The following PRICKLE1 variants were observed in gnomAD, a reference collection of about 807,000 sequenced individuals.
PRICKLE1 encodes the protein prickle-like protein 1.
PRICKLE1 carries 14 observed loss-of-function variants against 70.2 expected under a neutral mutation model. The ratio of observed to expected loss-of-function variants is 0.20; its 90% confidence interval spans 0.13 to 0.31. PRICKLE1 has a LOEUF of 0.31. PRICKLE1 is among the 10% of genes least tolerant of loss of function. PRICKLE1 has a pLI of 1.00. For synonymous variants in PRICKLE1, 357 were observed against 379.9 expected, an observed-to-expected ratio of 0.94 and a Z score of 0.70; for missense variants, 821 against 1,026.2, an observed-to-expected ratio of 0.80 and a Z score of 2.73.
rs192633235 is a variant in PRICKLE1 at position 42,499,165 on chromosome 12, T to A, written c.-48-26601A>T. 4.4e-3 allele frequency among the ~76,000 whole-genome samples: 674 copies of A among 151,740 alleles called. 8 individuals are homozygous for A. Among genetic ancestry groups the A allele is most frequent in the African/African-American group, 0.016 (651 of 41,348 alleles). ...GGCATTGTACTAAATCATGTACATTTAAAAAAAAATCCTTATAACAACATA... is the reference window on the plus strand; with the variant it reads ...GGCATTGTACTAAATCATGTACATTAAAAAAAAAATCCTTATAACAACATA... On this transcript the variant is annotated intron_variant, in intron 1 of 7. Transcript: ENST00000345127.
chr12:42,465,608 C>T (rs1440528251), intron 6 of PRICKLE1: 3 of 306,414 alleles, frequency 9.8e-6, no homozygotes, highest in African/African-American at 2.2e-5. Context: ...GGTCTATCTA[C>T]TGCCGCGTTT....
intron 1 of PRICKLE1, among the ~76,000 whole-genome samples, chr12:42,488,186 C>T (rs1939023087): frequency 6.6e-6 from 1 of 152,214 alleles, no homozygotes; most frequent in South Asian, 2.1e-4. Flanking sequence ...CCCCAGGCAC[C>T]TCCCTCTCTA....
At chr12:42,482,232 C>T (rs1487706074) in intron 1 of PRICKLE1, among the ~76,000 whole-genome samples, 1 of 152,244 alleles carries the variant, frequency 6.6e-6, no homozygotes, top group Non-Finnish European at 1.5e-5. Context: ...TGCACAAGTA[C>T]ATTCCATGAC....
At position 42,468,641 on chromosome 12, in the gene PRICKLE1, G is replaced by A. The variant is rs764241108; in HGVS notation, c.573C>T (p.Cys191=). The change falls in exon 5 of 8, where the codon TGC becomes TGT. Residue 191 remains cysteine, a synonymous_variant. Coordinates refer to ENST00000345127, the MANE Select transcript of PRICKLE1 (RefSeq NM_153026.3). ...TTTTTTTTACCTCGTCACATGCTGA[G>A]CACCGTGGTTTGAGCAGTTCTGCAT... ...RHHAELLKPR[C]SACDEIIFAD... is the part of the protein sequence containing the mutation. 1 of 1,613,862 alleles carries A rather than the reference G, an allele frequency of 6.2e-7. No homozygotes were observed.
At chr12:42,564,932 G>A (rs919151633) in intron 1 of PRICKLE1, among the ~76,000 whole-genome samples, 10 of 152,308 alleles carry the variant, frequency 6.6e-5, no homozygotes, top group Non-Finnish European at 1.0e-4. Context: ...ATTTAAATAC[G>A]TCAGGGCAGG....
At chr12:42,532,456 T>G (rs1226455401) in intron 1 of PRICKLE1, among the ~76,000 whole-genome samples, 2 of 152,194 alleles carry the variant, frequency 1.3e-5, no homozygotes, top group African/African-American at 4.8e-5. Flanking sequence ...TAACTTTAAA[T>G]TTTCTAGTAA....
chr12:42,527,892 C>G (rs1939832416), intron 1 of PRICKLE1, among the ~76,000 whole-genome samples: 1 of 136,004 alleles, frequency 7.4e-6, no homozygotes, highest in African/African-American at 2.8e-5. Context: ...GGGCTACCAA[C>G]TGGAGTTTAT....
chr12:42,468,957 T>C, intron 4 of PRICKLE1, 128 bp from the exon 5 acceptor site: 4 of 854,052 alleles, frequency 4.7e-6, no homozygotes, highest in Non-Finnish European at 7.6e-6. Flanking sequence ...TTTTAGTGAT[T>C]AAATAGCTCT....
At chr12:42,518,718 T>A (rs1363246701) in intron 1 of PRICKLE1, among the ~76,000 whole-genome samples, 2 of 152,246 alleles carry the variant, frequency 1.3e-5, no homozygotes, top group African/African-American at 2.4e-5. Flanking sequence ...AACTAAACTG[T>A]GTTCAATATT....
At chr12:42,486,161 A>T (rs1044929798) in intron 1 of PRICKLE1, among the ~76,000 whole-genome samples, 8 of 152,234 alleles carry the variant, frequency 5.3e-5, no homozygotes, top group Admixed American at 5.2e-4. Context: ...CTTTGCTCTA[A>T]GGTCATCTCT....
At chr12:42,483,205 G>A (rs1429371852) in intron 1 of PRICKLE1, 1 of 152,836 alleles carries the variant, frequency 6.5e-6, no homozygotes, top group African/African-American at 2.4e-5. Flanking sequence ...CCTCCACGGA[G>A]CAGCACTCGC....
chr12:42,481,364 C>G (rs1938786713), intron 1 of PRICKLE1, among the ~76,000 whole-genome samples: 1 of 152,202 alleles, frequency 6.6e-6, no homozygotes, highest in African/African-American at 2.4e-5. Context: ...CAATCCCACT[C>G]TAGTTCCTAT....
intron 1 of PRICKLE1, among the ~76,000 whole-genome samples, chr12:42,566,533 T>G (rs1301167038): frequency 3.9e-5 from 6 of 152,162 alleles, no homozygotes; most frequent in African/African-American, 7.2e-5. Context: ...GCTGCTAATG[T>G]TCAATAACTG....
chr12:42,460,151 G>A lies in PRICKLE1; in HGVS notation c.2154C>T (p.Ala718=). 6.2e-7 allele frequency: 1 copy of A among 1,614,014 alleles called. No individual in the cohort carries two copies. Among genetic ancestry groups the A allele is most frequent in the Non-Finnish European group, 8.5e-7 (1 of 1,180,028 alleles). Reference sequence around the variant, plus strand: ...TCTGGATGTATGCTTGGATCTCCCGGGCACTTTTATTCTGTATAAATTTCT... The same window carrying A: ...TCTGGATGTATGCTTGGATCTCCCGAGCACTTTTATTCTGTATAAATTTCT... The part of the protein sequence containing the change: ...NYEKFIQNKS[A]REIQAYIQNA... The change falls in exon 8 of 8, where the codon GCC becomes GCT. Residue 718 remains alanine, a synonymous_variant. Transcript: ENST00000345127.
intron 1 of PRICKLE1, among the ~76,000 whole-genome samples, chr12:42,498,088 G>A (rs1310444391): frequency 3.3e-5 from 5 of 151,322 alleles, no homozygotes; most frequent in Non-Finnish European, 7.4e-5. Flanking sequence ...AGCCTCAAGC[G>A]ATCTCTAGCA....
intron 1 of PRICKLE1, among the ~76,000 whole-genome samples, chr12:42,496,679 T>A (rs1488606418): frequency 6.6e-6 from 1 of 152,240 alleles, no homozygotes; most frequent in Non-Finnish European, 1.5e-5. Flanking sequence ...CACCACTCGC[T>A]ACTTCACCTT....
chr12:42,556,369 C>G (rs1940413107), intron 1 of PRICKLE1, among the ~76,000 whole-genome samples: 1 of 152,214 alleles, frequency 6.6e-6, no homozygotes, highest in South Asian at 2.1e-4. Context: ...CAACCACCAC[C>G]ATGACCATCA....
rs779908231 is a variant in PRICKLE1, at chr12:42,468,659, T to C, written c.555A>G (p.Glu185=). 1.9e-6 allele frequency: 3 copies of C among 1,614,130 alleles called. No individual in the cohort carries two copies. The highest frequency in any genetic ancestry group is 4.5e-5 in the East Asian group (2 of 44,886). The change falls in exon 5 of 8, where the codon GAA becomes GAG. Residue 185 remains glutamate (E), a synonymous_variant. Coordinates refer to ENST00000345127, the MANE Select transcript of PRICKLE1 (RefSeq NM_153026.3). The stretch of plus-strand genomic sequence containing the variant: ...ATGCTGAGCACCGTGGTTTGAGCAG[T>C]TCTGCATGGTGCCTGCCACAGTGAA... The part of the protein sequence containing the change: ...GKIHCGRHHA[E]LLKPRCSACD...
At position 42,468,611 on chromosome 12, in the gene PRICKLE1, T is replaced by A; in HGVS notation, c.588+15A>T. ...GCTTATTTTTCCCAGTGTGAAAGGA[T>A]GAACTTTTTTTTACCTCGTCACATG... is the stretch of plus-strand genomic sequence containing the variant. On this transcript the variant is annotated intron_variant, in intron 5 of 7. Coordinates refer to ENST00000345127, the MANE Select transcript of PRICKLE1 (RefSeq NM_153026.3). The A allele has an allele frequency of 6.2e-7, 1 of 1,612,600 alleles. No homozygotes were observed. Among genetic ancestry groups the A allele is most frequent in the Non-Finnish European group, 8.5e-7 (1 of 1,178,962 alleles).
Sources: gnomAD v4.1 joint callset for allele counts (sites outside exome capture counted in the v4.1 genomes callset) on GRCh38, gnomAD v4.1.1 for gene constraint, MANE v1.5 for transcripts, NCBI Gene and HGNC (gene_info 2026-07-23, HGNC 2026-07-21) for gene names.